ATG10: variants seen among roughly 807,000 people sequenced by gnomAD.
ATG10 encodes autophagy related 10, also known as ubiquitin-like-conjugating enzyme ATG10.
Under a neutral mutation model 32.1 loss-of-function variants are expected in ATG10, and 30 were observed. The observed-to-expected ratio is 0.94, with a 90% CI of 0.70 to 1.27. ATG10 has a LOEUF of 1.27. Ranked by LOEUF, ATG10 falls within the 50% of genes most tolerant of loss-of-function variation. ATG10 has a pLI of 0.00. For synonymous variants in ATG10, 87 were observed against 91.5 expected, an observed-to-expected ratio of 0.95 and a Z score of 0.28; for missense variants, 233 against 262.3, an observed-to-expected ratio of 0.89 and a Z score of 0.77.
At chr5:82,020,196 A>G (rs1762398607) in intron 2 of ATG10, among the ~76,000 whole-genome samples, 1 of 152,188 alleles carries the variant, frequency 6.6e-6, no homozygotes, top group Non-Finnish European at 1.5e-5. Flanking sequence ...ATGGGCTCCT[A>G]GAAGTAGTGA....
At chr5:82,245,873 C>T (rs1747008013) in intron 5 of ATG10, among the ~76,000 whole-genome samples, 1 of 152,138 alleles carries the variant, frequency 6.6e-6, no homozygotes, top group South Asian at 2.1e-4. Context: ...TTTTAGAAAG[C>T]ATTGAGTGTT....
intron 5 of ATG10, among the ~76,000 whole-genome samples, chr5:82,185,386 A>G (rs753965008): frequency 1.4e-4 from 21 of 152,258 alleles, no homozygotes; most frequent in Middle Eastern, 3.4e-3. Context: ...GTGGGAAGAA[A>G]CTCGTTGATT....
At chr5:82,228,486 C>G (rs1275676024) in intron 5 of ATG10, among the ~76,000 whole-genome samples, 1 of 151,968 alleles carries the variant, frequency 6.6e-6, no homozygotes, top group Non-Finnish European at 1.5e-5. Flanking sequence ...CAATAAAAAG[C>G]TTTTAAGCAT....
intron 5 of ATG10, among the ~76,000 whole-genome samples, chr5:82,211,865 G>T (rs1468938797): frequency 1.3e-5 from 2 of 152,210 alleles, no homozygotes; most frequent in Non-Finnish European, 2.9e-5. Context: ...TCTATGCCCA[G>T]TGTAGATTCT....
intron 5 of ATG10, among the ~76,000 whole-genome samples, chr5:82,190,834 G>GTAATTGTT (rs1744636755): frequency 7.0e-6 from 1 of 143,654 alleles, no homozygotes; most frequent in East Asian, 2.0e-4. Context: ...AGGTAAGGTC[G>GTAATTGTT]TAATTGTTTT....
chr5:82,049,375 A>G (rs1020836529), intron 2 of ATG10, among the ~76,000 whole-genome samples: 2 of 125,242 alleles, frequency 1.6e-5, no homozygotes, highest in African/African-American at 6.0e-5. Flanking sequence ...AGGAAGGGGA[A>G]CATCACACTC....
At chr5:82,220,621 C>A (rs1455837278) in intron 5 of ATG10, among the ~76,000 whole-genome samples, 1 of 150,098 alleles carries the variant, frequency 6.7e-6, no homozygotes, top group Non-Finnish European at 1.5e-5. Context: ...TGTACTCCAT[C>A]TCTCTCTCTC....
chr5:82,208,675 C>A (rs1001131926), intron 5 of ATG10, among the ~76,000 whole-genome samples: 10 of 152,068 alleles, frequency 6.6e-5, no homozygotes, highest in Non-Finnish European at 1.3e-4. Flanking sequence ...TATTTTTTAT[C>A]CAATTAAAGA....
At chr5:82,033,094 C>G (rs1431529283) in intron 2 of ATG10, among the ~76,000 whole-genome samples, 1 of 152,060 alleles carries the variant, frequency 6.6e-6, no homozygotes. Flanking sequence ...CTTCTACCAG[C>G]TTTTTAAAAT....
intron 3 of ATG10, among the ~76,000 whole-genome samples, chr5:82,070,617 CTT>C (rs780441487): frequency 6.6e-6 from 1 of 152,238 alleles, no homozygotes; most frequent in East Asian, 1.9e-4. Flanking sequence ...CATCAGTCCT[CTT>C]TTATTTCTCT....
intron 2 of ATG10, among the ~76,000 whole-genome samples, chr5:82,025,863 C>G (rs1215891644): frequency 1.3e-5 from 2 of 152,176 alleles, no homozygotes; most frequent in South Asian, 4.1e-4. Flanking sequence ...TTTGATTACA[C>G]ATTTCTGATA....
chr5:82,033,381 A>G (rs1330560089), intron 2 of ATG10, among the ~76,000 whole-genome samples: 4 of 147,924 alleles, frequency 2.7e-5, no homozygotes. Context: ...CTTATTGCCC[A>G]AGCTGGAGTG....
At chr5:81,993,360 C>CTTCTTTCT (rs1389776064) in intron 2 of ATG10, among the ~76,000 whole-genome samples, 1,929 of 46,648 alleles carry the variant, frequency 0.041, 350 homozygotes, top group Admixed American at 0.065. Context: ...TCTTTCTTTC[C>CTTCTTTCT]TTCTTTTCTT....
chr5:82,030,077 G>T (rs1196598296), intron 2 of ATG10, among the ~76,000 whole-genome samples: 1 of 152,122 alleles, frequency 6.6e-6, no homozygotes, highest in Non-Finnish European at 1.5e-5. Context: ...CTCAAGGCAG[G>T]CTGTTCTTAT....
At chr5:82,100,258 C>T (rs569988548) in intron 3 of ATG10, among the ~76,000 whole-genome samples, 6 of 152,122 alleles carry the variant, frequency 3.9e-5, no homozygotes, top group East Asian at 1.9e-4. Flanking sequence ...CCACCTGCCT[C>T]GGCCTCCCAA....
At chr5:82,125,449 C>T (rs923765652) in intron 3 of ATG10, among the ~76,000 whole-genome samples, 3 of 152,046 alleles carry the variant, frequency 2.0e-5, no homozygotes, top group African/African-American at 4.8e-5. Flanking sequence ...TTAATTTTTG[C>T]GTAATGTGTA....
intron 2 of ATG10, among the ~76,000 whole-genome samples, chr5:82,050,472 A>C (rs1436215829): frequency 6.6e-6 from 1 of 152,188 alleles, no homozygotes; most frequent in Non-Finnish European, 1.5e-5. Flanking sequence ...CATAATATTT[A>C]GATTCTATTC....
At chr5:82,062,950 T>A (rs1439182592) in intron 3 of ATG10, among the ~76,000 whole-genome samples, 2 of 152,250 alleles carry the variant, frequency 1.3e-5, no homozygotes, top group Non-Finnish European at 2.9e-5. Context: ...ATCATAGATT[T>A]GTTTATAACT....
At chr5:82,130,349 G>A (rs962916174) in intron 3 of ATG10, among the ~76,000 whole-genome samples, 2 of 152,008 alleles carry the variant, frequency 1.3e-5, no homozygotes, top group African/African-American at 2.4e-5. Context: ...TCAGGGGAGC[G>A]AATGGTTCTG....
Sources: allele counts gnomAD v4.1 joint callset (sites outside exome capture counted in the v4.1 genomes callset), GRCh38; gene constraint gnomAD v4.1.1; transcripts MANE v1.5; gene names NCBI Gene and HGNC (gene_info 2026-07-23, HGNC 2026-07-21).